The following G3BP2 variants were observed in gnomAD, a reference collection of about 807,000 sequenced individuals.
G3BP2 encodes G3BP stress granule assembly factor 2.
G3BP2 carries 11 observed loss-of-function variants against 56.7 expected under a neutral mutation model. That is an observed-to-expected ratio of 0.19 (90% CI 0.12 to 0.32). The LOEUF is 0.32. G3BP2 is among the 10% of genes least tolerant of loss of function. The probability of loss-of-function intolerance (pLI) is 1.00; values close to 1 mark genes in which losing one functional copy is unlikely to be tolerated. For missense variants in G3BP2, 340 were observed against 610.9 expected (o/e 0.56, Z 4.67); for synonymous variants, 165 against 191.6 (o/e 0.86, Z 1.15).
At chr4:75,705,352 C>T (rs1719506665) in intron 3 of G3BP2, among the ~76,000 whole-genome samples, 1 of 152,220 alleles carries the variant, frequency 6.6e-6, no homozygotes, top group Non-Finnish European at 1.5e-5. Context: ...AGGTGGCAAC[C>T]TACAGTAAAT....
chr4:75,648,342 G>A (rs568501831), intron 9 of G3BP2, among the ~76,000 whole-genome samples: 64 of 62,382 alleles, frequency 1.0e-3, no homozygotes, highest in East Asian at 4.4e-3. Context: ...GCAAGACTCC[G>A]TCTCAAAAAA....
At chr4:75,684,660 C>T (rs532876084) in intron 3 of G3BP2, among the ~76,000 whole-genome samples, 51 of 152,170 alleles carry the variant, frequency 3.4e-4, no homozygotes, top group African/African-American at 1.1e-3. Context: ...ATCCTCCCAC[C>T]TTAGCCTCCC....
intron 7 of G3BP2, among the ~76,000 whole-genome samples, chr4:75,654,454 G>A (rs892638926): frequency 1.3e-5 from 2 of 152,224 alleles, no homozygotes; most frequent in Non-Finnish European, 2.9e-5. Context: ...ACGGGAGAGG[G>A]AAGGATAGGA....
At chr4:75,676,415 T>C (rs932343048), upstream of G3BP2, among the ~76,000 whole-genome samples, 11 of 146,884 alleles carry the variant, frequency 7.5e-5, no homozygotes, top group Admixed American at 3.5e-4. Flanking sequence ...TGATCTGGGC[T>C]GACTGCAACC....
chr4:75,657,262 A>G (rs1266851929), intron 4 of G3BP2, among the ~76,000 whole-genome samples: 2 of 152,236 alleles, frequency 1.3e-5, no homozygotes, highest in South Asian at 2.1e-4. Context: ...TTAATAGAAA[A>G]GAAACCAAAA....
chr4:75,671,305 T>A (rs1269662266), intron 1 of G3BP2, among the ~76,000 whole-genome samples: 1 of 152,194 alleles, frequency 6.6e-6, no homozygotes, highest in Admixed American at 6.5e-5. Flanking sequence ...AAAGTCTTTT[T>A]AAAGCAATCT....
At chr4:75,652,175 G>A (rs1348582673) in intron 8 of G3BP2, among the ~76,000 whole-genome samples, 1 of 152,182 alleles carries the variant, frequency 6.6e-6, no homozygotes. Context: ...AACTAACTTT[G>A]AAAATATATT....
intron 1 of G3BP2, chr4:75,672,894 T>A (rs990243986): frequency 1.5e-5 from 8 of 534,588 alleles, no homozygotes; most frequent in Non-Finnish European, 1.7e-5. Context: ...AGCTGCTGCG[T>A]GCCTCCCCCC....
At chr4:75,685,369 G>C (rs1475480384) in intron 3 of G3BP2, among the ~76,000 whole-genome samples, 1 of 151,730 alleles carries the variant, frequency 6.6e-6, no homozygotes, top group East Asian at 1.9e-4. Context: ...GGCATGGTGA[G>C]GTATGTCTGT....
intron 8 of G3BP2, among the ~76,000 whole-genome samples, chr4:75,650,666 G>A (rs1481984718): frequency 6.6e-6 from 1 of 152,006 alleles, no homozygotes; most frequent in African/African-American, 2.4e-5. Context: ...TCCAGGTTTT[G>A]TTGTTATTTA....
intron 3 of G3BP2, among the ~76,000 whole-genome samples, chr4:75,693,488 T>G (rs1718959227): frequency 6.6e-6 from 1 of 151,502 alleles, no homozygotes; most frequent in Non-Finnish European, 1.5e-5. Context: ...TTTTTTGTTT[T>G]TTTTTTTAAG....
At position 75,673,227 on chromosome 4, in the gene G3BP2, C is replaced by T. The variant is rs561209204; in HGVS notation, c.-44G>A. The T allele has an allele frequency of 3.1e-5, 38 of 1,214,160 alleles. No homozygotes were observed. In the East Asian group the frequency reaches 9.5e-4, roughly 31 times the overall value. 75.2% of individuals were successfully genotyped at this position (1,214,160 alleles called of 1,614,324 possible). A position where few individuals can be genotyped will look rare whatever the true frequency, so the allele number is the denominator to read the frequency against. ...ACACACCTCCAGCCAACGGCGGCGG[C>T]GGGTACGTCGCGCGGAGGTCAGAAG... On this transcript the variant is annotated 5_prime_UTR_variant, in exon 1 of 12. Transcript: ENST00000359707.
At chr4:75,694,089 A>G (rs1330585416) in intron 3 of G3BP2, among the ~76,000 whole-genome samples, 1 of 152,196 alleles carries the variant, frequency 6.6e-6, no homozygotes, top group Non-Finnish European at 1.5e-5. Context: ...TCCCTAAACT[A>G]GATGTTCAGT....
chr4:75,673,109 G>A (rs1578415386), intron 1 of G3BP2, 99 bp downstream of exon 1: 2 of 1,068,280 alleles, frequency 1.9e-6, no homozygotes, highest in Non-Finnish European at 2.3e-6. Flanking sequence ...TCCGGCTCCC[G>A]GGCTCACACA....
intron 1 of G3BP2, among the ~76,000 whole-genome samples, chr4:75,664,776 G>T (rs1316384928): frequency 6.6e-6 from 1 of 152,012 alleles, no homozygotes; most frequent in Admixed American, 6.6e-5. Context: ...TTTAACCTGG[G>T]GGACAAAGGT....
intron 3 of G3BP2, among the ~76,000 whole-genome samples, chr4:75,680,063 A>G (rs900000199): frequency 6.6e-6 from 1 of 152,194 alleles, no homozygotes; most frequent in Non-Finnish European, 1.5e-5. Flanking sequence ...TAATTCTTCA[A>G]GCCTTACAGT....
intron 3 of G3BP2, among the ~76,000 whole-genome samples, chr4:75,706,361 A>G (rs1219847161): frequency 6.6e-6 from 1 of 152,168 alleles, no homozygotes; most frequent in Non-Finnish European, 1.5e-5. Context: ...TTACTGGGCC[A>G]TGCTGCTCTA....
At chr4:75,712,384 C>T (rs1172200708) in intron 3 of G3BP2, among the ~76,000 whole-genome samples, 4 of 152,044 alleles carry the variant, frequency 2.6e-5, no homozygotes, top group Non-Finnish European at 4.4e-5. Flanking sequence ...TACATGATCT[C>T]ATCATACTCA....
At chr4:75,671,942 G>A (rs186878699) in intron 1 of G3BP2, among the ~76,000 whole-genome samples, 43 of 152,300 alleles carry the variant, frequency 2.8e-4, no homozygotes, top group Admixed American at 1.2e-3. Flanking sequence ...TGGAGCTAGA[G>A]AAAAATTGCC....
Sources: gnomAD v4.1 joint callset for allele counts (sites outside exome capture counted in the v4.1 genomes callset) on GRCh38, gnomAD v4.1.1 for gene constraint, MANE v1.5 for transcripts, NCBI Gene and HGNC (gene_info 2026-07-23, HGNC 2026-07-21) for gene names.